RESF1: variants seen among roughly 807,000 people sequenced by gnomAD.
RESF1 encodes the protein retroelement silencing factor 1, also known as gonad expressed transcript.
RESF1 carries 65 observed loss-of-function variants against 134.7 expected under a neutral mutation model. The ratio of observed to expected loss-of-function variants is 0.48; its 90% confidence interval spans 0.40 to 0.59. The LOEUF is 0.59. Ranked by LOEUF, RESF1 falls within the 20% of genes least tolerant of loss-of-function variation. The pLI, the probability that RESF1 is intolerant of heterozygous loss-of-function variation, is 0.00. For missense variants in RESF1, 2,274 were observed against 2,002.7 expected (o/e 1.14, Z -2.59); for synonymous variants, 762 against 702.2 (o/e 1.09, Z -1.35).
chr12:31,975,189 G>A (rs938556635), intron 3 of RESF1, among the ~76,000 whole-genome samples: 1 of 152,024 alleles, frequency 6.6e-6, no homozygotes, highest in Non-Finnish European at 1.5e-5. Flanking sequence ...CAGGAGAATT[G>A]CTTGAACCCG....
chr12:31,959,661 C>G (rs1032985897), intron 1 of RESF1, 170 bp downstream of exon 1: 3 of 151,110 alleles, frequency 2.0e-5, no homozygotes, highest in South Asian at 2.1e-4. Context: ...ACCCGGGCCT[C>G]GGGCCCCGCC....
At chr12:31,965,924 T>A (rs1939389628) in intron 2 of RESF1, among the ~76,000 whole-genome samples, 1 of 149,714 alleles carries the variant, frequency 6.7e-6, no homozygotes, top group African/African-American at 2.5e-5. Flanking sequence ...ATACTTCGAA[T>A]ACAGTTTTTA....
chr12:31,991,315 G>A (rs1366595847), intron 5 of RESF1, among the ~76,000 whole-genome samples: 1 of 152,118 alleles, frequency 6.6e-6, no homozygotes, highest in African/African-American at 2.4e-5. Flanking sequence ...GAATTTCTTG[G>A]AAAGCAACTT....
At chr12:31,980,430 A>G (rs991392989) in intron 3 of RESF1, among the ~76,000 whole-genome samples, 1 of 152,172 alleles carries the variant, frequency 6.6e-6, no homozygotes, top group African/African-American at 2.4e-5. Flanking sequence ...AAATTTACTG[A>G]GTTCATTAAG....
intron 3 of RESF1, among the ~76,000 whole-genome samples, chr12:31,978,537 T>G (rs181921614): frequency 1.2e-3 from 179 of 150,380 alleles, no homozygotes; most frequent in Non-Finnish European, 1.9e-3. Context: ...GTATTTGGGG[T>G]TTTTTTTTGT....
At chr12:31,976,109 A>C (rs574525845) in intron 3 of RESF1, among the ~76,000 whole-genome samples, 5 of 152,214 alleles carry the variant, frequency 3.3e-5, no homozygotes, top group Admixed American at 3.3e-4. Context: ...AGTTGAAAAA[A>C]TTCTAGCCAT....
At chr12:31,964,684 G>A (rs1939359082) in intron 2 of RESF1, among the ~76,000 whole-genome samples, 1 of 152,148 alleles carries the variant, frequency 6.6e-6, no homozygotes, top group Non-Finnish European at 1.5e-5. Context: ...GCTCATTGTG[G>A]TTGTGATTTG....
intron 3 of RESF1, among the ~76,000 whole-genome samples, chr12:31,975,965 A>G (rs1181977156): frequency 6.6e-6 from 1 of 152,182 alleles, no homozygotes; most frequent in African/African-American, 2.4e-5. Context: ...CAGGGCTTGC[A>G]TTTATTAACC....
intron 2 of RESF1, among the ~76,000 whole-genome samples, chr12:31,961,338 G>C (rs1418742433): frequency 6.6e-6 from 1 of 152,166 alleles, no homozygotes; most frequent in African/African-American, 2.4e-5. Context: ...TAAGACCATG[G>C]TCCCTGTAAC....
rs1383678041 is a variant in RESF1, at chr12:31,981,711, T to A, written c.756T>A (p.Ser252=). The change falls in exon 4 of 6, where the codon TCT becomes TCA. Residue 252 remains serine (S), a synonymous_variant. Coordinates refer to ENST00000312561, the MANE Select transcript of RESF1 (RefSeq NM_018169.4). ...LQVKNSQLLN[S]VLTLPSRQTS... ...TTAAAAATAGTCAGCTTCTAAATTC[T>A]GTATTAACTTTACCATCAAGGCAGA... The A allele has an allele frequency of 6.2e-7, 1 of 1,613,696 alleles. No homozygotes were observed. Among genetic ancestry groups the A allele is most frequent in the East Asian group, 2.2e-5 (1 of 44,890 alleles).
At position 31,987,418 on chromosome 12, in the gene RESF1, A is replaced by G; in HGVS notation, c.5086+96A>G. 2 of 699,226 alleles carry G rather than the reference A, an allele frequency of 2.9e-6. 1 individual carries two copies. The highest frequency in any genetic ancestry group is 4.0e-5 in the South Asian group (2 of 49,640). The allele number at this position is 699,226 out of a possible 1,614,324, so 43.3% of individuals were successfully genotyped here. On this transcript the variant is annotated intron_variant, in intron 5 of 5. Transcript: ENST00000312561. Reference sequence around the variant, plus strand: ...TGATATGATTGTAAAGTATGATTTTATCCATGTTCTTTTTTTTTTTTCAGT... The same window carrying G: ...TGATATGATTGTAAAGTATGATTTTGTCCATGTTCTTTTTTTTTTTTCAGT...
intron 5 of RESF1, 41 bp downstream of exon 5, chr12:31,987,363 A>G (rs918934739): frequency 4.7e-6 from 5 of 1,071,690 alleles, no homozygotes; most frequent in South Asian, 3.9e-5. Context: ...TTATCTCCCT[A>G]TCTGGTATAT....
intron 1 of RESF1, among the ~76,000 whole-genome samples, chr12:31,960,407 A>G (rs1939234018): frequency 1.3e-5 from 2 of 152,150 alleles, no homozygotes; most frequent in Admixed American, 1.3e-4. Context: ...GTTAGCTTTA[A>G]TCATGTTTCA....
At chr12:31,977,466 CGTGGGCCACCATGCCTG>C (rs1939661213) in intron 3 of RESF1, among the ~76,000 whole-genome samples, 2 of 152,024 alleles carry the variant, frequency 1.3e-5, no homozygotes, top group Admixed American at 1.3e-4. Context: ...GATTTACAGG[CGTGGGCCACCATGCCTG>C]GCCTGTTTCT....
intron 3 of RESF1, among the ~76,000 whole-genome samples, chr12:31,978,532 TGG>T (rs201609909): frequency 6.9e-6 from 1 of 145,388 alleles, no homozygotes; most frequent in African/African-American, 2.6e-5. Context: ...TGTAGGTATT[TGG>T]GGTTTTTTTT....
At chr12:31,989,736 C>T (rs761850023) in intron 5 of RESF1, among the ~76,000 whole-genome samples, 2 of 152,042 alleles carry the variant, frequency 1.3e-5, no homozygotes, top group Non-Finnish European at 2.9e-5. Flanking sequence ...CCTGTAATAC[C>T]AGCTATTCAG....
At chr12:31,973,500 A>C (rs531158312) in intron 3 of RESF1, among the ~76,000 whole-genome samples, 77 of 149,798 alleles carry the variant, frequency 5.1e-4, no homozygotes, top group Non-Finnish European at 7.4e-4. Context: ...TGCATCTGCC[A>C]CTCTACTGCC....
At chr12:31,980,424 T>A (rs958891542) in intron 3 of RESF1, among the ~76,000 whole-genome samples, 8 of 152,322 alleles carry the variant, frequency 5.3e-5, no homozygotes, top group African/African-American at 1.9e-4. Flanking sequence ...TGCCAGAAAT[T>A]TACTGAGTTC....
rs190432005 is a variant in RESF1 at position 31,985,909 on chromosome 12, C to A, written c.4954C>A (p.Arg1652=). ...LLKNTNSVEE[R]KDVKPHPRKE... is the part of the protein sequence containing the mutation. ...AAAGAATACAAACTCTGTGGAAGAA[C>A]GGAAGGATGTAAAGCCTCATCCTAG... Residue 1652 remains arginine (R), a synonymous_variant, in exon 4 of 6, where the codon CGG becomes AGG. Coordinates refer to ENST00000312561, the MANE Select transcript of RESF1 (RefSeq NM_018169.4). 4 of 1,512,434 alleles carry A rather than the reference C, an allele frequency of 2.6e-6. No homozygotes were observed. The highest frequency in any genetic ancestry group is 2.3e-5 in the East Asian group (1 of 42,868). The allele number at this position is 1,512,434 out of a possible 1,614,324, so 93.7% of individuals were successfully genotyped here. A position where few individuals can be genotyped will look rare whatever the true frequency, so the allele number is the denominator to read the frequency against.
Sources: gnomAD v4.1 joint callset for allele counts (sites outside exome capture counted in the v4.1 genomes callset) on GRCh38, gnomAD v4.1.1 for gene constraint, MANE v1.5 for transcripts, NCBI Gene and HGNC (gene_info 2026-07-23, HGNC 2026-07-21) for gene names.